Variants in IDH1 observed in about 807,000 individuals in gnomAD.
IDH1 encodes the protein isocitrate dehydrogenase [NADP] cytoplasmic.
In IDH1, 33 loss-of-function variants were observed where a neutral mutation model predicts 46.1. That is an observed-to-expected ratio of 0.72 (90% CI 0.54 to 0.96). The LOEUF (loss-of-function observed/expected upper bound fraction) is 0.96. IDH1 is among the 40% of genes least tolerant of loss of function. IDH1 has a pLI of 0.00. For synonymous variants in IDH1, 144 were observed against 172.8 expected, an observed-to-expected ratio of 0.83 and a Z score of 1.31; for missense variants, 421 against 515.7, an observed-to-expected ratio of 0.82 and a Z score of 1.78.
In IDH1 at chr2:208,248,549, A is replaced by G. The variant is rs773792199; in HGVS notation, c.234T>C (p.Pro78=). Residue 78 remains proline, a synonymous_variant, in exon 4 of 10, where the codon CCT becomes CCC. Coordinates refer to ENST00000345146, the MANE Select transcript of IDH1 (RefSeq NM_005896.4). The part of the protein sequence containing the change: ...NVGVKCATIT[P]DEKRVEEFKL... ...TGAACTCCTCAACCCTCTTCTCATC[A>G]GGAGTGATAGTGGCACATTTGACGC... 1.5e-5 allele frequency: 24 copies of G among 1,614,040 alleles called. No individual in the cohort carries two copies. Among genetic ancestry groups the G allele is most frequent in the Non-Finnish European group, 1.9e-5 (23 of 1,180,016 alleles).
chr2:208,246,728 A>G (rs1688029707), intron 4 of IDH1, among the ~76,000 whole-genome samples: 1 of 151,860 alleles, frequency 6.6e-6, no homozygotes, highest in Non-Finnish European at 1.5e-5. Context: ...GCGGATCACA[A>G]GGTCAGGAGT....
In IDH1 at chr2:208,252,050, G is replaced by A. The variant is rs76993564; in HGVS notation, c.-16-483C>T. The stretch of plus-strand genomic sequence containing the variant: ...ACTGGGCTCTCAAGATGTCCAGAAT[G>A]GTGAGTGCTAGCATTTCTCCTCCTT... On this transcript the variant is annotated intron_variant, in intron 2 of 9. Transcript: ENST00000345146. Among the ~76,000 whole-genome samples the A allele has an allele frequency of 3.9e-3, 589 of 152,248 alleles. 4 individuals are homozygous for A. The highest frequency in any genetic ancestry group is 6.1e-3 in the Non-Finnish European group (417 of 68,024).
chr2:208,249,047 C>T (rs1688075702), intron 3 of IDH1, among the ~76,000 whole-genome samples: 1 of 152,072 alleles, frequency 6.6e-6, no homozygotes, highest in African/African-American at 2.4e-5. Context: ...AAATATTGCT[C>T]TTTAAAAATA....
rs1231160470 is a variant in IDH1 at position 208,255,057 on chromosome 2, A to C, written c.-209T>G. The C allele has an allele frequency of 2.0e-5, 3 of 151,662 alleles. No individual in the cohort carries two copies. The highest frequency in any genetic ancestry group is 7.3e-5 in the African/African-American group (3 of 41,228). The allele number at this position is 151,662 out of a possible 1,614,324, so 9.4% of individuals were successfully genotyped here. On this transcript the variant is annotated 5_prime_UTR_variant, in exon 1 of 10. Transcript: ENST00000345146. ...CCCAGTGCCTCCGCTTCTGAAGTAG[A>C]CTCTGCAGAAACCCGGGACCACAGG... is the stretch of plus-strand genomic sequence containing the variant.
intron 7 of IDH1, among the ~76,000 whole-genome samples, chr2:208,241,230 TTTG>T (rs1687913549): frequency 6.6e-6 from 1 of 152,110 alleles, no homozygotes; most frequent in Admixed American, 6.5e-5. Flanking sequence ...ACACTTTTTC[TTTG>T]TTGTTGTTGA....
intron 4 of IDH1, among the ~76,000 whole-genome samples, chr2:208,245,783 C>CCT (rs1688009224): frequency 2.6e-5 from 1 of 38,274 alleles, no homozygotes; most frequent in South Asian, 2.5e-3. Context: ...TATTAGACCC[C>CCT]CCCCCCAAAA....
At chr2:208,251,954 T>A (rs1688133458) in intron 2 of IDH1, among the ~76,000 whole-genome samples, 1 of 152,192 alleles carries the variant, frequency 6.6e-6, no homozygotes, top group Non-Finnish European at 1.5e-5. Context: ...CAACTACTGG[T>A]TTGTCTTAAG....
At chr2:208,252,253 G>A in intron 2 of IDH1, among the ~76,000 whole-genome samples, 1 of 152,214 alleles carries the variant, frequency 6.6e-6, no homozygotes, top group East Asian at 1.9e-4. Context: ...ACAACAAAGT[G>A]ATTTCTCAAT....
At position 208,237,174 on chromosome 2, in the gene IDH1, C is replaced by T. The variant is rs201787135; in HGVS notation, c.1155-5G>A. On this transcript the variant is annotated splice_polypyrimidine_tract_variant and splice_region_variant and intron_variant, in intron 9 of 9. Coordinates refer to ENST00000345146, the MANE Select transcript of IDH1 (RefSeq NM_005896.4). ...AAGTAGTCAGAACGTTGCACACTAA[C>T]GGGAAGGAAAAAAAAAAGAAAATTT... The T allele has an allele frequency of 1.6e-4, 235 of 1,450,146 alleles. No individual in the cohort carries two copies. The African/African-American group carries it at 3.7e-3, about 23-fold the overall frequency. 89.8% of individuals were successfully genotyped at this position (1,450,146 alleles called of 1,614,324 possible). A position where few individuals can be genotyped will look rare whatever the true frequency, so the allele number is the denominator to read the frequency against.
Position 208,250,486 on chromosome 2 carries a change from G to A in IDH1, c.122+944C>T, listed in dbSNP as rs369626546. On this transcript the variant is annotated intron_variant, in intron 3 of 9. Coordinates refer to ENST00000345146, the MANE Select transcript of IDH1 (RefSeq NM_005896.4). ...ATGTCTCCACTCAAACAGGTCCTTA[G>A]GACAAATTTTGATGACTAATTCTGG... is the stretch of plus-strand genomic sequence containing the variant. Among the ~76,000 whole-genome samples the A allele has an allele frequency of 8.5e-5, 13 of 152,216 alleles. No individual in the cohort carries two copies. In the East Asian group the frequency reaches 1.2e-3, roughly 14 times the overall value.
At chr2:208,245,465 C>G (rs1406066577) in intron 4 of IDH1, 41 bp from the exon 5 acceptor site, 2 of 1,091,160 alleles carry the variant, frequency 1.8e-6, no homozygotes, top group Middle Eastern at 2.0e-4. Context: ...AAAAAAATAC[C>G]CTAGCAGGAA....
rs575020906 is a variant in IDH1 at position 208,248,807 on chromosome 2, C to T, written c.123-147G>A. The T allele has an allele frequency of 4.3e-6, 3 of 697,614 alleles. No homozygotes were observed. The East Asian group carries it at 8.0e-5, about 19-fold the overall frequency. The allele number at this position is 697,614 out of a possible 1,614,324, so 43.2% of individuals were successfully genotyped here. A position where few individuals can be genotyped will look rare whatever the true frequency, so the allele number is the denominator to read the frequency against. ...CTGCCAAGTTTTAGCACTGGCACAC[C>T]CTAAACACAGAAGATGGGTGCCAAC... On this transcript the variant is annotated intron_variant, in intron 3 of 9. Coordinates refer to ENST00000345146, the MANE Select transcript of IDH1 (RefSeq NM_005896.4).
chr2:208,241,548 T>C lies in IDH1; in HGVS notation c.850+446A>G, dbSNP rs904767336. Among the ~76,000 whole-genome samples, 5 of 152,118 alleles carry C rather than the reference T, an allele frequency of 3.3e-5. No homozygotes were observed. In the East Asian group the frequency reaches 9.7e-4, roughly 29 times the overall value. On this transcript the variant is annotated intron_variant, in intron 7 of 9. Transcript: ENST00000345146. ...TGCCCAGCCAAACACATTTGTTTTA[T>C]ATTCTACCAGAACAGCAGCTGGCAG...
chr2:208,237,645 G>A (rs1687836631), intron 9 of IDH1, among the ~76,000 whole-genome samples: 1 of 151,994 alleles, frequency 6.6e-6, no homozygotes, highest in Non-Finnish European at 1.5e-5. Context: ...GACAGGCCGG[G>A]CCTGGTGGCT....
chr2:208,253,886 C>T lies in IDH1; in HGVS notation c.-17G>A, dbSNP rs932751143. The T allele has an allele frequency of 6.6e-6, 1 of 152,214 alleles. No homozygotes were observed. The highest frequency in any genetic ancestry group is 2.4e-5 in the African/African-American group (1 of 41,454). The allele number at this position is 152,214 out of a possible 1,614,324, so 9.4% of individuals were successfully genotyped here. ...AGGGGGAAAATTTGCTAATTCTCAC[C>T]TTGACAGTGAATAGATTTCTTATCA... On this transcript the variant is annotated splice_region_variant and 5_prime_UTR_variant, in exon 2 of 10. Transcript: ENST00000345146.
Position 208,236,912 on chromosome 2 carries a change from CTG to C in IDH1, c.*165_*166del. 1.7e-6 allele frequency: 1 copy of C among 599,094 alleles called. No individual in the cohort carries two copies. The allele number at this position is 599,094 out of a possible 1,614,324, so 37.1% of individuals were successfully genotyped here. A position where few individuals can be genotyped will look rare whatever the true frequency, so the allele number is the denominator to read the frequency against. Reference sequence around the variant, plus strand: ...GCCATGTTCACAAAGGTGGCAATAACTGTATATATAAGAAAAAGGCTGTAAAC... The same window carrying C: ...GCCATGTTCACAAAGGTGGCAATAACTATATATAAGAAAAAGGCTGTAAAC... On this transcript the variant is annotated 3_prime_UTR_variant, in exon 10 of 10. Coordinates refer to ENST00000345146, the MANE Select transcript of IDH1 (RefSeq NM_005896.4).
intron 4 of IDH1, among the ~76,000 whole-genome samples, chr2:208,246,836 A>C (rs748858120): frequency 6.6e-6 from 1 of 152,072 alleles, no homozygotes; most frequent in Non-Finnish European, 1.5e-5. Context: ...CCAGCTACTC[A>C]AGAGGCTGAG....
intron 5 of IDH1, among the ~76,000 whole-genome samples, chr2:208,244,923 A>T (rs1047118531): frequency 1.3e-5 from 2 of 152,240 alleles, no homozygotes; most frequent in Non-Finnish European, 2.9e-5. Context: ...GCAAATATAT[A>T]AGGAAACCTC....
At chr2:208,243,117 A>G (rs1687951437) in intron 6 of IDH1, among the ~76,000 whole-genome samples, 2 of 152,204 alleles carry the variant, frequency 1.3e-5, no homozygotes. Context: ...AATGGGTCTG[A>G]CTTAGAAACT....
Sources: allele counts gnomAD v4.1 joint callset (sites outside exome capture counted in the v4.1 genomes callset), GRCh38; gene constraint gnomAD v4.1.1; transcripts MANE v1.5; gene names NCBI Gene and HGNC (gene_info 2026-07-23, HGNC 2026-07-21).